The following FAF2 variants were observed in gnomAD, a reference collection of about 807,000 sequenced individuals.
The protein encoded by FAF2 is Fas associated factor family member 2.
In FAF2, 9 loss-of-function variants were observed where a neutral mutation model predicts 62.3. The ratio of observed to expected loss-of-function variants is 0.14; its 90% CI spans 0.09 to 0.25. The LOEUF (loss-of-function observed/expected upper bound fraction) is 0.25. FAF2 is among the 10% of genes least tolerant of loss of function. The probability of loss-of-function intolerance (pLI) is 1.00; values close to 1 mark genes in which losing one functional copy is unlikely to be tolerated. For missense variants in FAF2, 368 were observed against 556.2 expected (o/e 0.66, Z 3.40); for synonymous variants, 202 against 198.0 (o/e 1.02, Z -0.17).
intron 1 of FAF2, among the ~76,000 whole-genome samples, chr5:176,462,764 A>T (rs925792941): frequency 1.3e-5 from 2 of 152,234 alleles, no homozygotes; most frequent in African/African-American, 4.8e-5. Flanking sequence ...ATATATACAC[A>T]TCTTATGCAT....
intron 3 of FAF2, among the ~76,000 whole-genome samples, chr5:176,487,724 A>G (rs1300861560): frequency 6.6e-6 from 1 of 152,216 alleles, no homozygotes; most frequent in Non-Finnish European, 1.5e-5. Context: ...ATAAGCAGCT[A>G]TATGGGGATT....
In FAF2 at chr5:176,489,942, T is replaced by C. The variant is rs1000203472; in HGVS notation, c.344+915T>C. 5.9e-5 allele frequency among the ~76,000 whole-genome samples: 9 copies of C among 152,176 alleles called. No homozygotes were observed. In the East Asian group the frequency reaches 1.5e-3, roughly 26 times the overall value. On this transcript the variant is annotated intron_variant, in intron 4 of 10. Transcript: ENST00000261942. The stretch of plus-strand genomic sequence containing the variant: ...CCCACTTGCTTCATACCTTCACCTT[T>C]CTTCTAGCTTCCTTCATGTACCATT...
chr5:176,460,513 C>CGTGT (rs747582699), intron 1 of FAF2, among the ~76,000 whole-genome samples: 17,777 of 132,448 alleles, frequency 0.13, 1,195 homozygotes, highest in Non-Finnish European at 0.15. Flanking sequence ...TTTTTGGCCG[C>CGTGT]GTGTGTGTGT....
chr5:176,507,052 A>ATAATAT lies in FAF2; in HGVS notation c.*104_*105insATATTA, dbSNP rs1554134033. 3.1e-6 allele frequency: 2 copies of ATAATAT among 652,930 alleles called. No homozygotes were observed. The highest frequency in any genetic ancestry group is 4.4e-6 in the Non-Finnish European group (2 of 458,864). 40.4% of individuals were successfully genotyped at this position (652,930 alleles called of 1,614,324 possible). A position where few individuals can be genotyped will look rare whatever the true frequency, so the allele number is the denominator to read the frequency against. On this transcript the variant is annotated 3_prime_UTR_variant, in exon 11 of 11. Coordinates refer to ENST00000261942, the MANE Select transcript of FAF2 (RefSeq NM_014613.3). Reference sequence around the variant, plus strand: ...AAAAAAAAACAAGAGAGAGAAATTCATATTATTATTATTATTATAATACAA... The same window carrying ATAATAT: ...AAAAAAAAACAAGAGAGAGAAATTCATAATATTATTATTATTATTATTATAATACAA...
At chr5:176,486,013 C>A (rs1179150285) in intron 2 of FAF2, among the ~76,000 whole-genome samples, 3 of 152,192 alleles carry the variant, frequency 2.0e-5, no homozygotes, top group Admixed American at 6.5e-5. Context: ...ACATTGTATT[C>A]TCTGAGGATG....
chr5:176,454,187 G>C (rs1758237016), intron 1 of FAF2, among the ~76,000 whole-genome samples: 1 of 151,726 alleles, frequency 6.6e-6, no homozygotes, highest in African/African-American at 2.4e-5. Context: ...GAGGCCAGGA[G>C]TTCGAGACCA....
intron 5 of FAF2, among the ~76,000 whole-genome samples, chr5:176,492,916 A>G (rs576965648): frequency 1.3e-5 from 2 of 152,330 alleles, no homozygotes; most frequent in South Asian, 2.1e-4. Flanking sequence ...TTGATCTCTC[A>G]CAGAATTGAA....
intron 8 of FAF2, chr5:176,496,868 A>C: frequency 2.8e-6 from 1 of 353,530 alleles, no homozygotes; most frequent in Non-Finnish European, 5.0e-6. Flanking sequence ...GTTCAAAATA[A>C]AGACAAGGGC....
At chr5:176,490,127 C>T (rs1034366856) in intron 4 of FAF2, among the ~76,000 whole-genome samples, 3 of 151,770 alleles carry the variant, frequency 2.0e-5, no homozygotes, top group Admixed American at 1.3e-4. Context: ...CTGGCTAATA[C>T]GGTGAAACCC....
At chr5:176,448,519 A>G (rs891948363) in intron 1 of FAF2, 49 bp downstream of exon 1, 2 of 1,528,304 alleles carry the variant, frequency 1.3e-6, no homozygotes, top group South Asian at 1.2e-5. Flanking sequence ...GATGGGGAGT[A>G]GGCCCCTAGA....
chr5:176,467,018 A>G (rs937789196), intron 1 of FAF2, among the ~76,000 whole-genome samples: 4 of 152,040 alleles, frequency 2.6e-5, no homozygotes, highest in African/African-American at 9.7e-5. Context: ...AGTTTATGGA[A>G]GGGGAGTCAT....
chr5:176,509,714 A>G lies in FAF2; in HGVS notation c.*2764A>G, dbSNP rs1374300409. ...GGATAACACTTGTCTCTTAAAAACT[A>G]AGCTAAAAAGAACCTAGAACCTTCA... On this transcript the variant is annotated 3_prime_UTR_variant, in exon 11 of 11. Transcript: ENST00000261942. The G allele has an allele frequency of 6.6e-6, 1 of 152,646 alleles. No individual in the cohort carries two copies. The highest frequency in any genetic ancestry group is 1.5e-5 in the Non-Finnish European group (1 of 68,050). The allele number at this position is 152,646 out of a possible 1,614,324, so 9.5% of individuals were successfully genotyped here.
At chr5:176,457,548 C>T (rs1296710743) in intron 1 of FAF2, among the ~76,000 whole-genome samples, 2 of 152,040 alleles carry the variant, frequency 1.3e-5, no homozygotes, top group South Asian at 2.1e-4. Flanking sequence ...TTCACATATT[C>T]AAGGATTCTA....
Position 176,499,058 on chromosome 5 carries a change from A to C in FAF2, c.984A>C (p.Gln328His). Residue 328 changes from glutamine (Q) to histidine (H), a missense_variant, in exon 9 of 11, where the codon CAA becomes CAC. This residue lies in a region of FAF2 where 331 missense variants were observed against 441.9 expected (regional missense o/e 0.75). Transcript: ENST00000261942. ...GGAAGGAGGAGGAGGTGCAACAGCA[A>C]AAGTTGGCAGAGGAGAGACGGCGGC... is the stretch of plus-strand genomic sequence containing the variant. ...KRRKEEEVQQ[Q>H]KLAEERRRQN... 2 of 1,604,146 alleles carry C rather than the reference A, an allele frequency of 1.2e-6. No homozygotes were observed. The highest frequency in any genetic ancestry group is 1.7e-6 in the Non-Finnish European group (2 of 1,174,396).
intron 10 of FAF2, among the ~76,000 whole-genome samples, chr5:176,500,710 C>G (rs778380156): frequency 3.3e-5 from 5 of 152,184 alleles, no homozygotes; most frequent in Non-Finnish European, 7.3e-5. Context: ...TCATTAAAAG[C>G]AGAAACTCAA....
intron 2 of FAF2, among the ~76,000 whole-genome samples, chr5:176,482,186 A>T (rs1318282107): frequency 6.6e-6 from 1 of 151,232 alleles, no homozygotes; most frequent in Non-Finnish European, 1.5e-5. Flanking sequence ...CCAGTTCTTA[A>T]ATTTGGTTAT....
chr5:176,504,613 T>C (rs1001285933), intron 10 of FAF2, among the ~76,000 whole-genome samples: 2 of 151,906 alleles, frequency 1.3e-5, no homozygotes, highest in South Asian at 2.1e-4. Context: ...TTCACTCATA[T>C]TGGTTTCATA....
intron 2 of FAF2, among the ~76,000 whole-genome samples, chr5:176,483,562 A>G (rs1047277889): frequency 1.3e-5 from 2 of 152,194 alleles, no homozygotes; most frequent in Non-Finnish European, 1.5e-5. Context: ...ACTACCTGAT[A>G]TTAGCCAAAT....
intron 1 of FAF2, among the ~76,000 whole-genome samples, chr5:176,476,704 C>T (rs1581064565): frequency 7.1e-6 from 1 of 141,586 alleles, no homozygotes; most frequent in South Asian, 2.3e-4. Flanking sequence ...ATGATCTCGG[C>T]TCACCACAAC....
Sources: allele counts gnomAD v4.1 joint callset (sites outside exome capture counted in the v4.1 genomes callset), GRCh38; gene constraint gnomAD v4.1.1; regional missense constraint gnomAD v4.1.1; transcripts MANE v1.5; gene names NCBI Gene and HGNC (gene_info 2026-07-23, HGNC 2026-07-21).